TCF12: variants seen among roughly 807,000 people sequenced by gnomAD.
The protein encoded by TCF12 is DNA-binding protein HTF4.
A neutral mutation model predicts 86.0 loss-of-function variants in TCF12; 45 were observed. The observed-to-expected ratio is 0.52, with a 90% CI of 0.41 to 0.67. The LOEUF (loss-of-function observed/expected upper bound fraction) is 0.67. Ranked by LOEUF, TCF12 falls within the 30% of genes least tolerant of loss-of-function variation. The pLI is 0.00. For synonymous variants in TCF12, 330 were observed against 299.6 expected (o/e 1.10, Z -1.05); for missense variants, 881 against 859.9 (o/e 1.02, Z -0.31).
At chr15:57,258,840 TAAGTA>T (rs1242188651) in intron 16 of TCF12, among the ~76,000 whole-genome samples, 1 of 152,204 alleles carries the variant, frequency 6.6e-6, no homozygotes, top group Non-Finnish European at 1.5e-5. Flanking sequence ...CAGGAGACTT[TAAGTA>T]AAGACTGACA....
At chr15:57,112,208 TG>T (rs1364259656) in intron 5 of TCF12, among the ~76,000 whole-genome samples, 1 of 151,962 alleles carries the variant, frequency 6.6e-6, no homozygotes, top group Non-Finnish European at 1.5e-5. Flanking sequence ...TAGAAAGGCC[TG>T]GGGGTGGGAA....
intron 8 of TCF12, among the ~76,000 whole-genome samples, chr15:57,213,375 G>A (rs2593218): frequency 1 from 152,094 of 152,354 alleles, 75,919 homozygotes; most frequent in East Asian, 1. Context: ...TTACTTTATT[G>A]TCACAAATGT....
At chr15:57,045,004 G>A (rs2067138002) in intron 3 of TCF12, among the ~76,000 whole-genome samples, 2 of 152,162 alleles carry the variant, frequency 1.3e-5, no homozygotes, top group South Asian at 4.1e-4. Flanking sequence ...TGCTTATTGA[G>A]TAGAAATTAT....
chr15:57,231,630 A>AT (rs1344656301), intron 9 of TCF12, among the ~76,000 whole-genome samples: 3 of 152,188 alleles, frequency 2.0e-5, no homozygotes, highest in Non-Finnish European at 4.4e-5. Flanking sequence ...GAAAGAGTGA[A>AT]TATCATAGAA....
intron 6 of TCF12, among the ~76,000 whole-genome samples, chr15:57,171,682 A>G (rs1202446149): frequency 7.2e-5 from 11 of 152,202 alleles, no homozygotes; most frequent in Non-Finnish European, 1.6e-4. Context: ...TTACATTCAC[A>G]ACAATCACAT....
intron 5 of TCF12, among the ~76,000 whole-genome samples, chr15:57,158,202 T>TTC (rs71113070): frequency 6.6e-6 from 1 of 151,416 alleles, no homozygotes; most frequent in Non-Finnish European, 1.5e-5. Flanking sequence ...TTTTTTTTTT[T>TTC]CTTTGAGACA....
chr15:56,955,771 G>A (rs1474742900), intron 3 of TCF12, among the ~76,000 whole-genome samples: 1 of 152,124 alleles, frequency 6.6e-6, no homozygotes, highest in African/African-American at 2.4e-5. Context: ...TGTTGTTCAA[G>A]TCTTTCATGT....
chr15:57,244,794 TGTTAG>T (rs2059785679), intron 13 of TCF12, among the ~76,000 whole-genome samples: 2 of 152,024 alleles, frequency 1.3e-5, no homozygotes, highest in Non-Finnish European at 2.9e-5. Flanking sequence ...ATATTTTTTA[TGTTAG>T]TTTAGACAAG....
intron 2 of TCF12, among the ~76,000 whole-genome samples, chr15:56,920,415 C>A (rs2059732093): frequency 6.6e-6 from 1 of 151,744 alleles, no homozygotes; most frequent in South Asian, 2.1e-4. Flanking sequence ...ATGTCAGCGA[C>A]AAGAAAAGTA....
At chr15:57,062,842 G>A (rs74576465) in intron 3 of TCF12, among the ~76,000 whole-genome samples, 1 of 152,178 alleles carries the variant, frequency 6.6e-6, no homozygotes, top group South Asian at 2.1e-4. Flanking sequence ...TTTCTGTGTT[G>A]ATGAATTTCA....
chr15:56,938,012 G>C (rs1340376396), intron 3 of TCF12, among the ~76,000 whole-genome samples: 51 of 98,550 alleles, frequency 5.2e-4, no homozygotes, highest in Non-Finnish European at 9.1e-4. Flanking sequence ...TCTGTAGTTT[G>C]CTTTTTTTTT....
At chr15:57,247,430 A>G (rs1417090913) in intron 13 of TCF12, 5 of 698,540 alleles carry the variant, frequency 7.2e-6, no homozygotes, top group Non-Finnish European at 1.1e-5. Flanking sequence ...AGCAGACTAC[A>G]TCTCTTGTTT....
chr15:57,166,073 A>G (rs189768662), intron 5 of TCF12, among the ~76,000 whole-genome samples: 2 of 152,004 alleles, frequency 1.3e-5, no homozygotes, highest in Non-Finnish European at 2.9e-5. Flanking sequence ...GAATACAGGC[A>G]TATATCACCA....
chr15:56,963,521 A>G (rs950532803), intron 3 of TCF12, among the ~76,000 whole-genome samples: 2 of 152,150 alleles, frequency 1.3e-5, no homozygotes, highest in Admixed American at 1.3e-4. Flanking sequence ...CCAGGCTTCT[A>G]TGGTTTTTAT....
intron 3 of TCF12, among the ~76,000 whole-genome samples, chr15:56,937,930 G>A (rs969944268): frequency 6.6e-6 from 1 of 150,636 alleles, no homozygotes; most frequent in Non-Finnish European, 1.5e-5. Flanking sequence ...TTATCTTTTT[G>A]ATATACTGTT....
chr15:57,263,171 G>C lies in TCF12; in HGVS notation c.1642G>C (p.Glu548Gln). 1.2e-6 allele frequency: 2 copies of C among 1,613,120 alleles called. No individual in the cohort carries two copies. The highest frequency in any genetic ancestry group is 1.1e-5 in the South Asian group (1 of 90,928). Residue 548 changes from glutamate (E) to glutamine (Q), a missense_variant, in exon 18 of 21, where the codon GAA becomes CAA. Coordinates refer to ENST00000333725, the MANE Select transcript of TCF12 (RefSeq NM_207037.2). ...VTTEIKTENK[E>Q]KDENLHEPPS... The stretch of plus-strand genomic sequence containing the variant: ...AACAGAAATCAAGACTGAAAACAAA[G>C]AAAAGGATGAAAACCTTCATGAACC...
chr15:57,096,412 T>C (rs1377861377), intron 5 of TCF12, among the ~76,000 whole-genome samples: 1 of 151,964 alleles, frequency 6.6e-6, no homozygotes, highest in Non-Finnish European at 1.5e-5. Context: ...AAAAAAAAGA[T>C]CATGAAAGTT....
chr15:57,284,739 A>G (rs1241912550), intron 20 of TCF12, among the ~76,000 whole-genome samples: 1 of 151,906 alleles, frequency 6.6e-6, no homozygotes, highest in Non-Finnish European at 1.5e-5. Context: ...AGTTCTACCC[A>G]TTTCCTCTTG....
intron 12 of TCF12, among the ~76,000 whole-genome samples, chr15:57,238,720 C>T (rs2059480750): frequency 2.0e-5 from 3 of 152,072 alleles, no homozygotes; most frequent in South Asian, 2.1e-4. Context: ...ATATTGGGCA[C>T]CTACTTTTAC....
Sources: allele counts gnomAD v4.1 joint callset (sites outside exome capture counted in the v4.1 genomes callset), GRCh38; gene constraint gnomAD v4.1.1; transcripts MANE v1.5; gene names NCBI Gene and HGNC (gene_info 2026-07-23, HGNC 2026-07-21).